The following NAF1 variants were observed in gnomAD, a reference collection of about 807,000 sequenced individuals.
NAF1 encodes H/ACA ribonucleoprotein complex non-core subunit NAF1.
In NAF1, 11 loss-of-function variants were observed where a neutral mutation model predicts 40.6. That is an observed-to-expected ratio of 0.27 (90% confidence interval 0.17 to 0.45). The LOEUF (loss-of-function observed/expected upper bound fraction) is 0.45. Ranked by LOEUF, NAF1 falls within the 20% of genes least tolerant of loss-of-function variation. The probability of loss-of-function intolerance (pLI) is 1.00; values close to 1 mark genes in which losing one functional copy is unlikely to be tolerated. For synonymous variants in NAF1, 260 were observed against 228.5 expected, an observed-to-expected ratio of 1.14 and a Z score of -1.24; for missense variants, 607 against 611.1, an observed-to-expected ratio of 0.99 and a Z score of 0.07.
chr4:163,165,892 T>C (rs1329625358), intron 1 of NAF1, among the ~76,000 whole-genome samples: 6 of 146,586 alleles, frequency 4.1e-5, no homozygotes, highest in Non-Finnish European at 5.9e-5. Flanking sequence ...ATTAACGTAA[T>C]CATCAAGAGC....
intron 4 of NAF1, among the ~76,000 whole-genome samples, chr4:163,143,165 G>A (rs1277671276): frequency 6.6e-6 from 1 of 152,054 alleles, no homozygotes; most frequent in Admixed American, 6.6e-5. Flanking sequence ...TCATTGAGAA[G>A]TGGTTTTCTA....
downstream of NAF1, among the ~76,000 whole-genome samples, chr4:163,109,582 AT>A (rs1730106532): frequency 6.6e-6 from 1 of 152,184 alleles, no homozygotes; most frequent in Non-Finnish European, 1.5e-5. Flanking sequence ...GCATTTTTCT[AT>A]TAGTTAGTGA....
chr4:163,115,128 G>A (rs1162441162), intron 2 of NAF1, among the ~76,000 whole-genome samples: 3 of 151,712 alleles, frequency 2.0e-5, no homozygotes, highest in Non-Finnish European at 4.4e-5. Context: ...TAGGACCACA[G>A]GCATGAAAGA....
intron 2 of NAF1, among the ~76,000 whole-genome samples, chr4:163,152,057 T>C (rs1417012095): frequency 6.6e-6 from 1 of 152,174 alleles, no homozygotes; most frequent in East Asian, 1.9e-4. Flanking sequence ...TACATGGCTT[T>C]CATTTTTCAG....
At chr4:163,108,448 C>A (rs1046043284), downstream of NAF1, among the ~76,000 whole-genome samples, 1 of 152,124 alleles carries the variant, frequency 6.6e-6, no homozygotes, top group African/African-American at 2.4e-5. Flanking sequence ...TCTCTTACTC[C>A]CCAACTTCAA....
At position 163,166,543 on chromosome 4, in the gene NAF1, G is replaced by A; in HGVS notation, c.185C>T (p.Ala62Val). 2 of 1,587,124 alleles carry A rather than the reference G, an allele frequency of 1.3e-6. No homozygotes were observed. The highest frequency in any genetic ancestry group is 1.7e-6 in the Non-Finnish European group (2 of 1,167,762). The change falls in exon 1 of 8, where the codon GCC becomes GTC. Residue 62 changes from alanine to valine, a missense_variant. By Grantham distance (64) the Ala-to-Val change is moderately conservative. Around this residue, in one of 3 missense-constraint regions of NAF1, gnomAD observed 407 missense variants for 365.5 expected, o/e 1.11. Transcript: ENST00000274054. The stretch of plus-strand genomic sequence containing the variant: ...AACGGGCTGCAGAGGCTGCTCCCCG[G>A]CAGGCTTAACCTCCACGGTCTGCCC... ...DAGQTVEVKPAGEQPLQPVLN... is the reference protein window; with the variant it reads ...DAGQTVEVKPVGEQPLQPVLN...
chr4:163,129,547 G>C (rs1730790873), intron 7 of NAF1, among the ~76,000 whole-genome samples, 199 bp from the exon 8 acceptor site: 1 of 152,124 alleles, frequency 6.6e-6, no homozygotes, highest in Non-Finnish European at 1.5e-5. Flanking sequence ...CAGCAAGTCA[G>C]AAAACACTTA....
Position 163,130,985 on chromosome 4 carries a change from C to T in NAF1, c.1034-1637G>A, listed in dbSNP as rs149577640. ...CCTCCGCTGCCCGGGTCCCAGCTGA[C>T]GCAATTCTCCTGCCTCAGCCTCCCA... is the stretch of plus-strand genomic sequence containing the variant. On this transcript the variant is annotated intron_variant, in intron 7 of 7. Coordinates refer to ENST00000274054, the MANE Select transcript of NAF1 (RefSeq NM_138386.3). Among the ~76,000 whole-genome samples, 586 of 152,242 alleles carry T rather than the reference C, an allele frequency of 3.8e-3. 2 individuals carry two copies. The highest frequency in any genetic ancestry group is 0.013 in the African/African-American group (540 of 41,554).
chr4:163,155,023 A>C (rs1189620466), intron 2 of NAF1, among the ~76,000 whole-genome samples: 1 of 152,232 alleles, frequency 6.6e-6, no homozygotes, highest in East Asian at 1.9e-4. Context: ...GAAGGTTCAA[A>C]GGGGATAGAT....
intron 6 of NAF1, among the ~76,000 whole-genome samples, chr4:163,134,472 A>G (rs1273035752): frequency 2.0e-5 from 3 of 152,210 alleles, no homozygotes; most frequent in South Asian, 2.1e-4. Context: ...TCTTAATACG[A>G]TAAGATTTTA....
At chr4:163,118,120 TA>T (rs553119114) in intron 2 of NAF1, among the ~76,000 whole-genome samples, 2 of 150,440 alleles carry the variant, frequency 1.3e-5, no homozygotes, top group Non-Finnish European at 3.0e-5. Flanking sequence ...TTCAAGTCAT[TA>T]AAAAAAAAGA....
downstream of NAF1, among the ~76,000 whole-genome samples, chr4:163,109,572 G>A (rs1730106313): frequency 6.6e-6 from 1 of 152,110 alleles, no homozygotes; most frequent in South Asian, 2.1e-4. Flanking sequence ...TGTATTCAAA[G>A]CATTTTTCTA....
chr4:163,166,040 C>T (rs1223421976), intron 1 of NAF1, among the ~76,000 whole-genome samples: 1 of 152,160 alleles, frequency 6.6e-6, no homozygotes, highest in Non-Finnish European at 1.5e-5. Context: ...ACAGCCTAAA[C>T]TGAGTAGTTA....
At chr4:163,115,500 CA>C (rs890776923) in intron 2 of NAF1, among the ~76,000 whole-genome samples, 1 of 151,968 alleles carries the variant, frequency 6.6e-6, no homozygotes, top group African/African-American at 2.4e-5. Context: ...CCAGCCAGGA[CA>C]ATAATTTTTT....
chr4:163,122,719 A>C (rs546415739), downstream of NAF1, among the ~76,000 whole-genome samples: 1 of 152,298 alleles, frequency 6.6e-6, no homozygotes, highest in South Asian at 2.1e-4. Context: ...CTCCCCCCTC[A>C]CTGGGGGACT....
At chr4:163,146,540 G>A (rs1731476736) in intron 3 of NAF1, among the ~76,000 whole-genome samples, 1 of 152,166 alleles carries the variant, frequency 6.6e-6, no homozygotes. Context: ...AGAGCCACAA[G>A]TAAGAACACT....
At chr4:163,120,495 T>C (rs1579125555) in intron 2 of NAF1, among the ~76,000 whole-genome samples, 1 of 152,220 alleles carries the variant, frequency 6.6e-6, no homozygotes, top group Non-Finnish European at 1.5e-5. Flanking sequence ...TTTGTTCTGT[T>C]TGAAAGATGG....
At chr4:163,140,016 G>C (rs1391432158) in intron 5 of NAF1, among the ~76,000 whole-genome samples, 1 of 151,908 alleles carries the variant, frequency 6.6e-6, no homozygotes, top group African/African-American at 2.4e-5. Flanking sequence ...GCTCTTAATG[G>C]CTGATCATCT....
intron 2 of NAF1, among the ~76,000 whole-genome samples, chr4:163,112,209 G>C (rs921927560): frequency 1.1e-4 from 17 of 152,110 alleles, no homozygotes; most frequent in African/African-American, 4.1e-4. Flanking sequence ...AATTGCTAGA[G>C]TTCTCTCTCT....
Sources: gnomAD v4.1 joint callset for allele counts (sites outside exome capture counted in the v4.1 genomes callset) on GRCh38, gnomAD v4.1.1 for gene constraint, gnomAD v4.1.1 regional missense constraint, MANE v1.5 for transcripts, NCBI Gene and HGNC (gene_info 2026-07-23, HGNC 2026-07-21) for gene names.